RAD51B: variants seen among roughly 807,000 people sequenced by gnomAD.
The protein encoded by RAD51B is DNA repair protein RAD51 homolog 2.
In RAD51B, 38 loss-of-function variants were observed where a neutral mutation model predicts 42.2. The observed-to-expected ratio is 0.90, with a 90% CI of 0.70 to 1.18. The LOEUF is 1.18. RAD51B is among the 50% of genes most tolerant of loss of function. The probability of loss-of-function intolerance (pLI) is 0.00; values close to 1 mark genes in which losing one functional copy is unlikely to be tolerated. For missense variants in RAD51B, 373 were observed against 400.7 expected, an observed-to-expected ratio of 0.93 and a Z score of 0.59; for synonymous variants, 154 against 145.2, an observed-to-expected ratio of 1.06 and a Z score of -0.43.
chr14:68,059,607 A>G (rs1406047093), intron 7 of RAD51B, among the ~76,000 whole-genome samples: 2 of 152,164 alleles, frequency 1.3e-5, no homozygotes, highest in Admixed American at 1.3e-4. Flanking sequence ...ACTTTTTAAA[A>G]CTTAGGTCAT....
intron 10 of RAD51B, among the ~76,000 whole-genome samples, chr14:68,567,061 A>T (rs1184410025): frequency 6.6e-6 from 1 of 152,152 alleles, no homozygotes; most frequent in Non-Finnish European, 1.5e-5. Context: ...GCACTTTGGA[A>T]GGCCGAGGCG....
chr14:68,295,465 C>T (rs944595433), intron 8 of RAD51B, among the ~76,000 whole-genome samples: 1 of 152,212 alleles, frequency 6.6e-6, no homozygotes, highest in African/African-American at 2.4e-5. Flanking sequence ...CTCCCATCTC[C>T]TGACTTCTCC....
At chr14:68,623,130 A>G (rs1891992997) in intron 10 of RAD51B, among the ~76,000 whole-genome samples, 1 of 152,180 alleles carries the variant, frequency 6.6e-6, no homozygotes, top group Non-Finnish European at 1.5e-5. Context: ...ATTCCCCTAA[A>G]GCATTCAAAT....
chr14:68,671,978 C>T (rs150081800), intron 11 of RAD51B, among the ~76,000 whole-genome samples: 2 of 152,264 alleles, frequency 1.3e-5, no homozygotes, highest in African/African-American at 4.8e-5. Flanking sequence ...TAGAATCCCA[C>T]AGGACAGTTG....
intron 7 of RAD51B, among the ~76,000 whole-genome samples, chr14:68,059,053 T>G (rs1290556324): frequency 1.3e-5 from 2 of 152,116 alleles, no homozygotes; most frequent in African/African-American, 4.8e-5. Context: ...CTTTCATGGG[T>G]TATTCATGGC....
intron 7 of RAD51B, among the ~76,000 whole-genome samples, chr14:67,964,274 G>A (rs1417428147): frequency 1.3e-5 from 2 of 152,124 alleles, no homozygotes; most frequent in African/African-American, 4.8e-5. Flanking sequence ...AAGTGAGTGG[G>A]ATTCTGGCGA....
At chr14:68,265,431 C>G (rs2080970993) in intron 7 of RAD51B, among the ~76,000 whole-genome samples, 1 of 152,102 alleles carries the variant, frequency 6.6e-6, no homozygotes, top group Non-Finnish European at 1.5e-5. Flanking sequence ...TGCTCCCAGA[C>G]CAGTGGGGCA....
chr14:68,541,182 A>T, intron 10 of RAD51B: 1 of 985,414 alleles, frequency 1.0e-6, no homozygotes, highest in Non-Finnish European at 1.2e-6. Flanking sequence ...ATCACCAGGG[A>T]GAGGCTGCAG....
At chr14:68,493,550 A>G (rs191624404) in intron 10 of RAD51B, among the ~76,000 whole-genome samples, 136 of 152,330 alleles carry the variant, frequency 8.9e-4, no homozygotes, top group Non-Finnish European at 1.6e-3. Context: ...TGTGCTTTCC[A>G]TATACCCACG....
chr14:68,017,422 C>T (rs1478407649), intron 7 of RAD51B, among the ~76,000 whole-genome samples: 1 of 151,940 alleles, frequency 6.6e-6, no homozygotes, highest in African/African-American at 2.4e-5. Flanking sequence ...TCTTGAACTC[C>T]GGAGCTCAGG....
At chr14:68,560,641 C>G (rs924937421) in intron 10 of RAD51B, among the ~76,000 whole-genome samples, 7 of 152,112 alleles carry the variant, frequency 4.6e-5, no homozygotes, top group Admixed American at 1.3e-4. Flanking sequence ...GAGAGTGAGG[C>G]AGGAGAATCA....
chr14:68,010,436 TTAGAAAAACTGA>T (rs1423370547), intron 7 of RAD51B, among the ~76,000 whole-genome samples: 2 of 151,888 alleles, frequency 1.3e-5, no homozygotes, highest in African/African-American at 4.8e-5. Context: ...GAGAGCTTCA[TTAGAAAAACTGA>T]TAGTTGTTTG....
intron 10 of RAD51B, among the ~76,000 whole-genome samples, chr14:68,569,585 G>A (rs1322534652): frequency 1.3e-5 from 2 of 152,226 alleles, no homozygotes; most frequent in Non-Finnish European, 2.9e-5. Flanking sequence ...TAGCTGCAAT[G>A]TGCTGTCATA....
chr14:68,042,359 T>C (rs888835423), intron 7 of RAD51B, among the ~76,000 whole-genome samples: 1 of 152,016 alleles, frequency 6.6e-6, no homozygotes, highest in Non-Finnish European at 1.5e-5. Context: ...TAAAGGGGAG[T>C]GGACTCATTT....
Position 68,590,506 on chromosome 14 carries a change from C to T in RAD51B, c.1037-3979C>T, listed in dbSNP as rs1223081582. Reference sequence around the variant, plus strand: ...GTCTGGTTCCCAGAGCAAAGGAAACCTGGCGATGTCAGGTCTTCAGCTTTT... The same window carrying T: ...GTCTGGTTCCCAGAGCAAAGGAAACTTGGCGATGTCAGGTCTTCAGCTTTT... On this transcript the variant is annotated intron_variant, in intron 10 of 10. Coordinates refer to the RAD51B transcript ENST00000487270. Among the ~76,000 whole-genome samples, 3 of 152,222 alleles carry T rather than the reference C, an allele frequency of 2.0e-5. No homozygotes were observed. In the South Asian group the frequency reaches 6.2e-4, roughly 32 times the overall value.
At chr14:67,967,199 A>G (rs1595179218) in intron 7 of RAD51B, among the ~76,000 whole-genome samples, 2 of 152,310 alleles carry the variant, frequency 1.3e-5, no homozygotes, top group South Asian at 4.1e-4. Context: ...TACTGCCCCC[A>G]TGATTCAAAC....
chr14:68,518,562 C>G (rs546531141), intron 10 of RAD51B, among the ~76,000 whole-genome samples: 16 of 150,644 alleles, frequency 1.1e-4, no homozygotes, highest in Non-Finnish European at 1.6e-4. Flanking sequence ...GAGCCCCCCC[C>G]CCAGGCCTCC....
At chr14:68,245,455 T>C (rs192518435) in intron 7 of RAD51B, among the ~76,000 whole-genome samples, 2 of 152,358 alleles carry the variant, frequency 1.3e-5, no homozygotes, top group East Asian at 3.9e-4. Context: ...TGATGCTTTG[T>C]TACATCCTCT....
intron 8 of RAD51B, among the ~76,000 whole-genome samples, chr14:68,356,904 A>C: frequency 6.9e-6 from 1 of 144,106 alleles, no homozygotes. Context: ...AATGGCATGA[A>C]CCCGGGAGGC....
Sources: gnomAD v4.1 joint callset for allele counts (sites outside exome capture counted in the v4.1 genomes callset) on GRCh38, gnomAD v4.1.1 for gene constraint, MANE v1.5 for transcripts, NCBI Gene and HGNC (gene_info 2026-07-23, HGNC 2026-07-21) for gene names.